Variants in BMAL1 observed in about 807,000 individuals in gnomAD.
BMAL1 encodes basic helix-loop-helix ARNT-like protein 1.
chr11:13,386,881 C>T, the BMAL1 span: 6 of 1,145,692 alleles, frequency 5.2e-6, no homozygotes, highest in African/African-American at 1.6e-5. Context: ...TAAAAGCCAT[C>T]TCAGAGCCAT....
the BMAL1 span, among the ~76,000 whole-genome samples, chr11:13,284,783 C>T: frequency 6.6e-6 from 1 of 152,188 alleles, no homozygotes; most frequent in Admixed American, 6.5e-5. Flanking sequence ...TCCCAGATGA[C>T]AGGCCAGCTT....
At chr11:13,358,052 G>A in the BMAL1 span, among the ~76,000 whole-genome samples, 1 of 152,172 alleles carries the variant, frequency 6.6e-6, no homozygotes, top group Non-Finnish European at 1.5e-5. Flanking sequence ...CAGCCCACGG[G>A]GCTCTGGATG....
the BMAL1 span, among the ~76,000 whole-genome samples, chr11:13,345,494 T>A: frequency 6.6e-6 from 1 of 152,266 alleles, no homozygotes; most frequent in Non-Finnish European, 1.5e-5. Flanking sequence ...CTTCTTTTTC[T>A]TATAAATTCT....
At chr11:13,384,068 C>G in the BMAL1 span, among the ~76,000 whole-genome samples, 933 of 152,156 alleles carry the variant, frequency 6.1e-3, 4 homozygotes, top group Non-Finnish European at 0.01. Context: ...CATTGGACAC[C>G]ATTTTTATTG....
At chr11:13,286,695 C>G in the BMAL1 span, among the ~76,000 whole-genome samples, 2 of 152,192 alleles carry the variant, frequency 1.3e-5, no homozygotes, top group Non-Finnish European at 2.9e-5. Flanking sequence ...GATCTGCTAT[C>G]TTTCTTGATG....
At chr11:13,336,019 G>A in the BMAL1 span, among the ~76,000 whole-genome samples, 41 of 152,256 alleles carry the variant, frequency 2.7e-4, no homozygotes, top group Non-Finnish European at 4.7e-4. Context: ...GTGTGTGTGC[G>A]TGCATGCATG....
chr11:13,381,322 G>A, the BMAL1 span: 2 of 1,517,756 alleles, frequency 1.3e-6, no homozygotes, highest in Non-Finnish European at 9.1e-7. Flanking sequence ...TTGGGGGTGG[G>A]AGTATGGAAT....
chr11:13,281,896 C>T, the BMAL1 span, among the ~76,000 whole-genome samples: 5 of 152,212 alleles, frequency 3.3e-5, no homozygotes, highest in African/African-American at 1.2e-4. Flanking sequence ...TCTTGATTCT[C>T]TTCCTGCACC....
chr11:13,355,031 A>G, the BMAL1 span: 2 of 437,530 alleles, frequency 4.6e-6, no homozygotes, highest in Admixed American at 7.0e-5. Flanking sequence ...TTTCACACTT[A>G]CAGTCATCCC....
chr11:13,378,167 TC>T, the BMAL1 span, among the ~76,000 whole-genome samples: 1 of 152,232 alleles, frequency 6.6e-6, no homozygotes, highest in Non-Finnish European at 1.5e-5. Context: ...CTTGAGCCTT[TC>T]CCTGCTGGAA....
At chr11:13,284,260 A>T in the BMAL1 span, among the ~76,000 whole-genome samples, 3 of 20,024 alleles carry the variant, frequency 1.5e-4, 1 homozygote, top group Admixed American at 1.3e-3. Context: ...ATATATATAT[A>T]TATATATTTT....
chr11:13,316,215 G>C, the BMAL1 span, among the ~76,000 whole-genome samples: 6 of 152,156 alleles, frequency 3.9e-5, 1 homozygote, highest in Non-Finnish European at 1.5e-5. Context: ...TTCTGTGGCA[G>C]AGCAATACTT....
chr11:13,365,560 G>C, the BMAL1 span: 1 of 1,613,748 alleles, frequency 6.2e-7, no homozygotes, highest in Non-Finnish European at 8.5e-7. Flanking sequence ...CTTTGTCTCA[G>C]AGTCTGTCTT....
the BMAL1 span, among the ~76,000 whole-genome samples, chr11:13,329,958 T>C: frequency 3.6e-4 from 55 of 152,306 alleles, 1 homozygote; most frequent in East Asian, 0.011. Flanking sequence ...GATGCTGTTG[T>C]GAGTGCACTT....
the BMAL1 span, among the ~76,000 whole-genome samples, chr11:13,377,583 T>C: frequency 5.3e-4 from 80 of 152,334 alleles, no homozygotes; most frequent in Non-Finnish European, 1.0e-3. Context: ...CCGTGGACTT[T>C]CTAATAACCC....
At chr11:13,374,217 T>C in the BMAL1 span, 1 of 1,605,914 alleles carries the variant, frequency 6.2e-7, no homozygotes, top group East Asian at 2.2e-5. Context: ...CTAGGATGTA[T>C]GAAAGATCTT....
At chr11:13,365,408 C>A in the BMAL1 span, 2 of 1,157,420 alleles carry the variant, frequency 1.7e-6, no homozygotes, top group South Asian at 1.4e-5. Flanking sequence ...GCTTTGGATG[C>A]TTAGAAAGCA....
At chr11:13,378,507 C>T in the BMAL1 span, 4 of 1,554,232 alleles carry the variant, frequency 2.6e-6, no homozygotes, top group African/African-American at 1.4e-5. Flanking sequence ...GAAATTTTTT[C>T]CCCCAGGCAA....
At chr11:13,336,616 C>T in the BMAL1 span, among the ~76,000 whole-genome samples, 2 of 152,168 alleles carry the variant, frequency 1.3e-5, no homozygotes, top group African/African-American at 4.8e-5. Context: ...GTCTGACATC[C>T]AGGAGGATCC....
Sources: allele counts gnomAD v4.1 joint callset (sites outside exome capture counted in the v4.1 genomes callset), GRCh38; gene constraint gnomAD v4.1.1; transcripts MANE v1.5; gene names NCBI Gene and HGNC (gene_info 2026-07-23, HGNC 2026-07-21).